The following KIF5B variants were observed in gnomAD, a reference collection of about 807,000 sequenced individuals.
The protein encoded by KIF5B is kinesin family member 5B, also known as kinesin-1 heavy chain.
Under a neutral mutation model 132.8 loss-of-function variants are expected in KIF5B, and 49 were observed. The ratio of observed to expected loss-of-function variants is 0.37; its 90% confidence interval spans 0.29 to 0.47. KIF5B has a LOEUF of 0.47. Among genes scored for constraint, KIF5B ranks in the 20% least tolerant of loss-of-function variants. KIF5B has a pLI of 1.00. For missense variants in KIF5B, 780 were observed against 1,144.0 expected, an observed-to-expected ratio of 0.68 and a Z score of 4.59; for synonymous variants, 355 against 369.4, an observed-to-expected ratio of 0.96 and a Z score of 0.45.
chr10:32,028,486 G>A lies in KIF5B; in HGVS notation c.1667C>T (p.Ala556Val). ...HQKKRAAEMM[A>V]SLLKDLAEIG... ...TTCTGCAAGGTCTTTTAGTAAAGAT[G>A]CCATCATCTCAGCTGCTCGTTTTTT... Residue 556 changes from alanine to valine, a missense_variant, in exon 15 of 26, where the codon GCA (alanine) becomes GTA (valine). By Grantham distance (64) the Ala-to-Val change is moderately conservative (BLOSUM62 0). This residue lies in a region of KIF5B where 471 missense variants were observed against 569.9 expected (regional missense o/e 0.83). Transcript: ENST00000302418. The A allele has an allele frequency of 6.2e-7, 1 of 1,613,050 alleles. No homozygotes were observed. The highest frequency in any genetic ancestry group is 8.5e-7 in the Non-Finnish European group (1 of 1,179,122).
At chr10:32,054,585 C>T (rs531504347) in intron 1 of KIF5B, among the ~76,000 whole-genome samples, 113 of 152,258 alleles carry the variant, frequency 7.4e-4, no homozygotes, top group South Asian at 2.1e-3. Flanking sequence ...GTGACCTCTG[C>T]CCTATTTCCA....
chr10:32,042,747 G>A (rs374062087), intron 2 of KIF5B, among the ~76,000 whole-genome samples: 1 of 152,102 alleles, frequency 6.6e-6, no homozygotes, highest in African/African-American at 2.4e-5. Flanking sequence ...CTTTCATACT[G>A]TATCAACAGA....
Position 32,055,928 on chromosome 10 carries a change from T to A in KIF5B, c.46A>T (p.Arg16Ter). ...TTCACTTCAGACTCGTTGAGAGGTC[T>A]GAAGCGACACATCACTTTGATGTTG... ...ECNIKVMCRF[R>*]PLNESEVNRG... The change falls in exon 1 of 26, where the codon AGA (arginine) becomes TGA (stop). Residue 16 changes from arginine (R) to a stop codon, truncating the protein, a stop_gained. Coordinates refer to ENST00000302418, the MANE Select transcript of KIF5B (RefSeq NM_004521.3). LOFTEE classifies it high-confidence loss of function. 6.2e-7 allele frequency: 1 copy of A among 1,611,794 alleles called. No individual in the cohort carries two copies. Among genetic ancestry groups the A allele is most frequent in the Non-Finnish European group, 8.5e-7 (1 of 1,179,922 alleles).
rs368586038 is a variant in KIF5B at position 32,053,621 on chromosome 10, G to A, written c.126+2227C>T. ...TGCCTGTAATCCCAGCTACTGGGGC[G>A]GCTGAGGCAGGAGAATCGTTTGAAC... On this transcript the variant is annotated intron_variant, in intron 1 of 25. Transcript: ENST00000302418. Among the ~76,000 whole-genome samples the A allele has an allele frequency of 3.1e-4, 47 of 151,960 alleles. 1 individual carries two copies. In the South Asian group the frequency reaches 8.3e-3, roughly 27 times the overall value.
At chr10:32,044,596 C>T (rs1328220602) in intron 2 of KIF5B, among the ~76,000 whole-genome samples, 3 of 151,882 alleles carry the variant, frequency 2.0e-5, no homozygotes, top group South Asian at 2.1e-4. Context: ...TGCTTGAACC[C>T]GGGAGGCGGA....
chr10:32,045,964 CT>C (rs1049097625), intron 2 of KIF5B, among the ~76,000 whole-genome samples: 32 of 152,120 alleles, frequency 2.1e-4, no homozygotes, highest in African/African-American at 7.7e-4. Context: ...CCATTAAGCA[CT>C]TTATAAATGG....
At chr10:32,032,909 ATC>A in intron 12 of KIF5B, 135 bp from the exon 13 acceptor site, 4 of 677,534 alleles carry the variant, frequency 5.9e-6, no homozygotes, top group Non-Finnish European at 7.7e-6. Context: ...GCTTATTTTA[ATC>A]TCTTTTAAGA....
chr10:32,034,257 GCT>G (rs2132601233), intron 11 of KIF5B, among the ~76,000 whole-genome samples: 1 of 151,882 alleles, frequency 6.6e-6, no homozygotes, highest in Admixed American at 6.6e-5. Context: ...GATTACAGGC[GCT>G]CAGCACCATG....
chr10:32,025,303 C>A (rs1841320789), intron 15 of KIF5B, among the ~76,000 whole-genome samples: 3 of 152,306 alleles, frequency 2.0e-5, no homozygotes, highest in South Asian at 2.1e-4. Context: ...TCATAACGTA[C>A]AACCTAGCAC....
chr10:32,017,527 G>A (rs556364671), intron 23 of KIF5B, among the ~76,000 whole-genome samples, 168 bp from the exon 24 acceptor site: 121 of 152,266 alleles, frequency 7.9e-4, no homozygotes, highest in Non-Finnish European at 1.2e-3. Flanking sequence ...TATACATAGC[G>A]TGCACACATC....
intron 2 of KIF5B, among the ~76,000 whole-genome samples, chr10:32,043,887 A>G (rs547343634): frequency 2.3e-4 from 35 of 152,172 alleles, no homozygotes; most frequent in Non-Finnish European, 4.9e-4. Context: ...CCCTATCTCA[A>G]AAGAAATCCC....
chr10:32,036,275 A>G (rs1841458453), intron 8 of KIF5B, among the ~76,000 whole-genome samples: 1 of 152,234 alleles, frequency 6.6e-6, no homozygotes, highest in South Asian at 2.1e-4. Flanking sequence ...CCCCTTTGCT[A>G]CATTAGAAAA....
At chr10:32,036,750 A>G (rs917701117) in intron 8 of KIF5B, among the ~76,000 whole-genome samples, 2 of 152,246 alleles carry the variant, frequency 1.3e-5, no homozygotes, top group African/African-American at 4.8e-5. Context: ...AATTAGCACA[A>G]CAGCAAAAAT....
chr10:32,015,544 T>G lies in KIF5B; in HGVS notation c.2877A>C (p.Gly959=). ...GTATAAACGATTACACTTGTTTGCCTCCTCCACCTCGCACTGCCACTGGCT... is the reference window on the plus strand; with the variant it reads ...GTATAAACGATTACACTTGTTTGCCGCCTCCACCTCGCACTGCCACTGGCT... ...NSQPVAVRGG[G]GKQV is the part of the protein sequence containing the mutation. The change falls in exon 25 of 26, where the codon GGA becomes GGC. Residue 959 remains glycine (G), a synonymous_variant. Coordinates refer to ENST00000302418, the MANE Select transcript of KIF5B (RefSeq NM_004521.3). 5.0e-6 allele frequency: 8 copies of G among 1,611,484 alleles called. No individual in the cohort carries two copies. The highest frequency in any genetic ancestry group is 6.8e-6 in the Non-Finnish European group (8 of 1,178,852).
At chr10:32,037,687 G>A (rs573500012) in intron 6 of KIF5B, 80 bp from the exon 7 acceptor site, 1 of 1,056,634 alleles carries the variant, frequency 9.5e-7, no homozygotes, top group East Asian at 2.5e-5. Context: ...ACAAAAATTA[G>A]CCGGGCGCGG....
chr10:32,038,301 C>T (rs1164647094), intron 5 of KIF5B, 83 bp from the exon 6 acceptor site: 4 of 893,494 alleles, frequency 4.5e-6, no homozygotes, highest in African/African-American at 1.7e-5. Context: ...CTTTCCTGAG[C>T]AGCCTAACAG....
intron 1 of KIF5B, among the ~76,000 whole-genome samples, chr10:32,049,991 T>C (rs144319165): frequency 6.6e-6 from 1 of 152,186 alleles, no homozygotes; most frequent in African/African-American, 2.4e-5. Flanking sequence ...ACAATTTTAA[T>C]AATCTAGGAG....
intron 15 of KIF5B, among the ~76,000 whole-genome samples, chr10:32,024,299 C>T (rs1429080613): frequency 1.8e-4 from 26 of 144,474 alleles, no homozygotes; most frequent in East Asian, 1.0e-3. Flanking sequence ...GGACTACAGG[C>T]GCCCGCCACT....
At chr10:32,024,045 T>A in intron 15 of KIF5B, among the ~76,000 whole-genome samples, 2 of 61,458 alleles carry the variant, frequency 3.3e-5, no homozygotes, top group African/African-American at 5.4e-5. Context: ...AAAATGACGT[T>A]GAGAGTAAAA....
Sources: gnomAD v4.1 joint callset for allele counts (sites outside exome capture counted in the v4.1 genomes callset) on GRCh38, gnomAD v4.1.1 for gene constraint, gnomAD v4.1.1 regional missense constraint, MANE v1.5 for transcripts, NCBI Gene and HGNC (gene_info 2026-07-23, HGNC 2026-07-21) for gene names.